KLHL29: variants seen among roughly 807,000 people sequenced by gnomAD.
KLHL29 encodes kelch-like protein 29.
In KLHL29, 21 loss-of-function variants were observed where a neutral mutation model predicts 80.4. The ratio of observed to expected loss-of-function variants is 0.26; its 90% CI spans 0.19 to 0.38. The LOEUF (loss-of-function observed/expected upper bound fraction) is 0.38, where lower values mean the gene tolerates loss of function less well. Among genes scored for constraint, KLHL29 ranks in the 10% least tolerant of loss-of-function variants. The probability of loss-of-function intolerance (pLI) is 1.00; values close to 1 mark genes in which losing one functional copy is unlikely to be tolerated. For synonymous variants in KLHL29, 511 were observed against 526.8 expected, an observed-to-expected ratio of 0.97 and a Z score of 0.41; for missense variants, 867 against 1,223.9, an observed-to-expected ratio of 0.71 and a Z score of 4.35.
At chr2:23,661,638 C>T (rs912372719) in intron 5 of KLHL29, among the ~76,000 whole-genome samples, 5 of 152,206 alleles carry the variant, frequency 3.3e-5, no homozygotes, top group South Asian at 4.1e-4. Context: ...TACTCGTGGC[C>T]GAGTAGAGGT....
chr2:23,706,685 T>G lies in KLHL29; in HGVS notation c.*21T>G. 1 of 1,488,828 alleles carries G rather than the reference T, an allele frequency of 6.7e-7. No homozygotes were observed. Among genetic ancestry groups the G allele is most frequent in the Non-Finnish European group, 9.0e-7 (1 of 1,117,142 alleles). 92.2% of individuals were successfully genotyped at this position (1,488,828 alleles called of 1,614,324 possible). A position where few individuals can be genotyped will look rare whatever the true frequency, so the allele number is the denominator to read the frequency against. Reference sequence around the variant, plus strand: ...GCTGACATCAGCAGAAAGCCCACGATAAGACTGTGGACAAGTCTGGTGAGG... The same window carrying G: ...GCTGACATCAGCAGAAAGCCCACGAGAAGACTGTGGACAAGTCTGGTGAGG... On this transcript the variant is annotated 3_prime_UTR_variant, in exon 14 of 14. Coordinates refer to ENST00000486442, the MANE Select transcript of KLHL29 (RefSeq NM_052920.2).
intron 1 of KLHL29, among the ~76,000 whole-genome samples, chr2:23,447,510 A>G (rs1663733356): frequency 6.6e-6 from 1 of 152,104 alleles, no homozygotes; most frequent in Non-Finnish European, 1.5e-5. Flanking sequence ...GTTGTATTTG[A>G]TCAAGCATCC....
intron 4 of KLHL29, 82 bp from the exon 5 acceptor site, chr2:23,642,256 C>G: frequency 7.8e-7 from 1 of 1,284,118 alleles, no homozygotes; most frequent in Middle Eastern, 1.9e-4. Context: ...TGACCTAGCA[C>G]CCAGTGCAGG....
intron 3 of KLHL29, among the ~76,000 whole-genome samples, chr2:23,576,938 G>A (rs1667857683): frequency 6.6e-6 from 1 of 152,200 alleles, no homozygotes; most frequent in Admixed American, 6.5e-5. Flanking sequence ...GGCACCAGCA[G>A]CTTTGTCCCT....
intron 2 of KLHL29, among the ~76,000 whole-genome samples, chr2:23,528,419 A>G (rs751888101): frequency 5.9e-5 from 9 of 151,780 alleles, no homozygotes; most frequent in Non-Finnish European, 1.2e-4. Flanking sequence ...TAGTTCCTGC[A>G]CTCTCCGTGT....
At chr2:23,691,959 G>C (rs1006100459) in intron 7 of KLHL29, 83 bp downstream of exon 7, 1 of 1,389,974 alleles carries the variant, frequency 7.2e-7, no homozygotes, top group African/African-American at 1.4e-5. Flanking sequence ...GACTGAGCGG[G>C]GAGGTCTGTG....
chr2:23,395,831 C>G (rs1348395482), intron 1 of KLHL29, among the ~76,000 whole-genome samples: 1 of 151,920 alleles, frequency 6.6e-6, no homozygotes, highest in Non-Finnish European at 1.5e-5. Flanking sequence ...CCCTCATTAA[C>G]TAGGTACAGA....
intron 2 of KLHL29, among the ~76,000 whole-genome samples, chr2:23,553,004 C>T (rs1391707938): frequency 3.9e-5 from 6 of 152,122 alleles, no homozygotes; most frequent in Non-Finnish European, 7.4e-5. Flanking sequence ...AAGTGATCCA[C>T]CCACCTCGGC....
chr2:23,507,330 CTGTT>C (rs1224935085), intron 2 of KLHL29: 1 of 191,426 alleles, frequency 5.2e-6, no homozygotes, highest in African/African-American at 2.3e-5. Flanking sequence ...TTTCAGGGGC[CTGTT>C]TGTGTGTGCT....
Position 23,708,452 on chromosome 2 carries a change from T to G in KLHL29, c.*1788T>G, listed in dbSNP as rs1370175661. ...CAGCGAGACTCAACACAGATGACATTGAAATTCGTTTCTCTCCTCATCTAT... is the reference window on the plus strand; with the variant it reads ...CAGCGAGACTCAACACAGATGACATGGAAATTCGTTTCTCTCCTCATCTAT... On this transcript the variant is annotated 3_prime_UTR_variant, in exon 14 of 14. Coordinates refer to ENST00000486442, the MANE Select transcript of KLHL29 (RefSeq NM_052920.2). 1 of 152,226 alleles carries G rather than the reference T, an allele frequency of 6.6e-6. No individual in the cohort carries two copies. The allele number at this position is 152,226 out of a possible 1,614,324, so 9.4% of individuals were successfully genotyped here. A position where few individuals can be genotyped will look rare whatever the true frequency, so the allele number is the denominator to read the frequency against.
intron 1 of KLHL29, among the ~76,000 whole-genome samples, chr2:23,422,978 G>A (rs1662866116): frequency 6.6e-6 from 1 of 152,238 alleles, no homozygotes; most frequent in East Asian, 1.9e-4. Flanking sequence ...TGCCCCTATT[G>A]CTTAGAAAAT....
chr2:23,691,626 C>T (rs1163636774), intron 6 of KLHL29, 48 bp from the exon 7 acceptor site: 9 of 1,485,474 alleles, frequency 6.1e-6, no homozygotes, highest in South Asian at 1.2e-5. Context: ...GGAAGCGGCA[C>T]GGTGGCCGCA....
intron 2 of KLHL29, among the ~76,000 whole-genome samples, chr2:23,509,569 A>C (rs1201709127): frequency 6.6e-6 from 1 of 152,192 alleles, no homozygotes; most frequent in African/African-American, 2.4e-5. Flanking sequence ...ATGAAAAAAA[A>C]ATGAATTACT....
chr2:23,696,157 G>A lies in KLHL29; in HGVS notation c.1924+24G>A, dbSNP rs1461830185. ...AGGTGAGGCCCCCCGGGGTTGGGGC[G>A]GGACCAGGCATGGGGGTCCCAAGGG... On this transcript the variant is annotated intron_variant, in intron 10 of 13. Transcript: ENST00000486442. This position sits in a 1 kb window ranked among gnomAD's most constrained non-coding sequence, Gnocchi z 5.5. 27 of 1,545,786 alleles carry A rather than the reference G, an allele frequency of 1.7e-5. No homozygotes were observed. Among genetic ancestry groups the A allele is most frequent in the African/African-American group, 6.9e-5 (5 of 72,954 alleles).
chr2:23,495,531 G>C (rs1186488677), intron 2 of KLHL29, among the ~76,000 whole-genome samples: 2 of 152,180 alleles, frequency 1.3e-5, no homozygotes, highest in African/African-American at 2.4e-5. Flanking sequence ...GTGGCAGTGG[G>C]TATAACAGTC....
chr2:23,571,694 T>C lies in KLHL29; in HGVS notation c.285+9213T>C, dbSNP rs938580501. Among the ~76,000 whole-genome samples, 4 of 152,264 alleles carry C rather than the reference T, an allele frequency of 2.6e-5. No individual in the cohort carries two copies. In the East Asian group the frequency reaches 7.7e-4, roughly 29 times the overall value. ...CCCTCCAGACATTGTCGTGACTGGA[T>C]ATGTTGCCTTGAACTGCTATAACCT... On this transcript the variant is annotated intron_variant, in intron 3 of 13. Transcript: ENST00000486442.
chr2:23,471,443 CA>C (rs1349284308), intron 1 of KLHL29, among the ~76,000 whole-genome samples: 1 of 152,190 alleles, frequency 6.6e-6, no homozygotes, highest in African/African-American at 2.4e-5. Flanking sequence ...AAATGGATCT[CA>C]AAATTTTTCT....
intron 1 of KLHL29, among the ~76,000 whole-genome samples, chr2:23,403,981 C>T (rs574506783): frequency 2.6e-5 from 4 of 152,262 alleles, no homozygotes; most frequent in Admixed American, 2.6e-4. Context: ...CTTTGACTGC[C>T]TACTTCTCTG....
At chr2:23,403,417 C>T (rs2103390034) in intron 1 of KLHL29, among the ~76,000 whole-genome samples, 1 of 152,216 alleles carries the variant, frequency 6.6e-6, no homozygotes, top group African/African-American at 2.4e-5. Flanking sequence ...CTCAGACTCA[C>T]CTTAAAGGAA....
Sources: allele counts gnomAD v4.1 joint callset (sites outside exome capture counted in the v4.1 genomes callset), GRCh38; gene constraint gnomAD v4.1.1; non-coding constraint Gnocchi (gnomAD v3.1); transcripts MANE v1.5; gene names NCBI Gene and HGNC (gene_info 2026-07-23, HGNC 2026-07-21).